SNRK: variants seen among roughly 807,000 people sequenced by gnomAD.
SNRK encodes the protein SNF related kinase, also known as SNF-related serine/threonine-protein kinase.
SNRK carries 3 observed loss-of-function variants against 48.2 expected under a neutral mutation model. The ratio of observed to expected loss-of-function variants is 0.06; its 90% CI spans 0.03 to 0.16. SNRK has a LOEUF of 0.16. Ranked by LOEUF, SNRK falls within the 10% of genes least tolerant of loss-of-function variation. SNRK has a pLI of 1.00. For synonymous variants in SNRK, 376 were observed against 366.1 expected, an observed-to-expected ratio of 1.03 and a Z score of -0.31; for missense variants, 627 against 976.0, an observed-to-expected ratio of 0.64 and a Z score of 4.76.
chr3:43,314,869 CA>C (rs1333022114), intron 3 of SNRK: 1 of 151,726 alleles, frequency 6.6e-6, no homozygotes, highest in Non-Finnish European at 1.5e-5. Flanking sequence ...ACATAGACTC[CA>C]TCTCTTAAAA....
chr3:43,322,949 C>G (rs893324261), intron 3 of SNRK, among the ~76,000 whole-genome samples: 3 of 594 alleles, frequency 5.1e-3, no homozygotes, highest in African/African-American at 5.9e-3. Flanking sequence ...AAGACTCCGT[C>G]TCAAAAAAAA....
chr3:43,318,729 T>C (rs934425606), intron 3 of SNRK, among the ~76,000 whole-genome samples: 5 of 152,200 alleles, frequency 3.3e-5, no homozygotes, highest in Admixed American at 1.3e-4. Flanking sequence ...CGTTTTAGAA[T>C]GTACTAAAGA....
At chr3:43,338,106 A>G (rs910144326) in intron 4 of SNRK, among the ~76,000 whole-genome samples, 3 of 152,168 alleles carry the variant, frequency 2.0e-5, no homozygotes, top group Non-Finnish European at 2.9e-5. Context: ...CTACCATCCA[A>G]TATTTTAATA....
At position 43,347,916 on chromosome 3, in the gene SNRK, C is replaced by T. The variant is rs778911222; in HGVS notation, c.1657C>T (p.Arg553Trp). The T allele has an allele frequency of 5.0e-6, 8 of 1,613,990 alleles. No homozygotes were observed. The Admixed American group carries it at 6.7e-5, about 13-fold the overall frequency. Reference sequence around the variant, plus strand: ...TGATGATGATTCTGAAAGCCGGCGGCGGCTCGATAAAGATAGCGGGTTCAC... The same window carrying T: ...TGATGATGATTCTGAAAGCCGGCGGTGGCTCGATAAAGATAGCGGGTTCAC... ...TSDDDSESRR[R>W]LDKDSGFTYS... is the part of the protein sequence containing the mutation. The change falls in exon 7 of 7, where the codon CGG becomes TGG. Residue 553 changes from arginine to tryptophan, a missense_variant. Coordinates refer to ENST00000296088, the MANE Select transcript of SNRK (RefSeq NM_017719.5). This position sits in a 1 kb window ranked among gnomAD's most constrained non-coding sequence, Gnocchi z 5.4.
chr3:43,341,107 G>A (rs552040164), intron 5 of SNRK, among the ~76,000 whole-genome samples: 2 of 152,064 alleles, frequency 1.3e-5, no homozygotes, highest in South Asian at 4.2e-4. Context: ...AGTTATACAA[G>A]TTGTTAATTA....
At chr3:43,324,574 A>G (rs1167809241) in intron 3 of SNRK, among the ~76,000 whole-genome samples, 1 of 152,110 alleles carries the variant, frequency 6.6e-6, no homozygotes, top group East Asian at 1.9e-4. Flanking sequence ...ATAATCTGAA[A>G]GAAGTAAGTG....
intron 3 of SNRK, among the ~76,000 whole-genome samples, chr3:43,310,665 A>G (rs2090972643): frequency 6.6e-6 from 1 of 152,142 alleles, no homozygotes; most frequent in South Asian, 2.1e-4. Flanking sequence ...ATAGAAATAT[A>G]TATTCAAAAT....
chr3:43,340,665 G>GT (rs959295255), intron 5 of SNRK, 166 bp downstream of exon 5: 98 of 636,988 alleles, frequency 1.5e-4, no homozygotes, highest in Middle Eastern at 1.3e-3. Flanking sequence ...CCTGACACAG[G>GT]TTTTTTTTGG....
At chr3:43,292,294 A>G (rs1445994571) in intron 1 of SNRK, among the ~76,000 whole-genome samples, 1 of 152,234 alleles carries the variant, frequency 6.6e-6, no homozygotes, top group African/African-American at 2.4e-5. Context: ...ATGAACTTTT[A>G]AAATTTGTTT....
At chr3:43,321,974 CATTATG>C (rs752797120) in intron 3 of SNRK, among the ~76,000 whole-genome samples, 102 of 152,348 alleles carry the variant, frequency 6.7e-4, no homozygotes, top group Non-Finnish European at 1.4e-3. Flanking sequence ...TTTTAGGTTT[CATTATG>C]ATTATATCTC....
chr3:43,340,189 T>C, intron 4 of SNRK, 98 bp from the exon 5 acceptor site: 2 of 953,150 alleles, frequency 2.1e-6, no homozygotes, highest in Non-Finnish European at 3.3e-6. Context: ...CCTAATTTAA[T>C]TGATGGTATA....
At chr3:43,332,337 C>T (rs2091152444) in intron 4 of SNRK, 27 bp downstream of exon 4, 2 of 1,351,496 alleles carry the variant, frequency 1.5e-6, no homozygotes, top group Admixed American at 2.9e-5. Context: ...ATGTGGAAAC[C>T]TTAAGGACTC....
chr3:43,322,806 G>T (rs999671031), intron 3 of SNRK, among the ~76,000 whole-genome samples: 7 of 151,928 alleles, frequency 4.6e-5, no homozygotes, highest in Non-Finnish European at 1.0e-4. Context: ...CAAAAAATTA[G>T]CTGGGAGTGG....
At chr3:43,322,931 G>A (rs923749737) in intron 3 of SNRK, among the ~76,000 whole-genome samples, 2 of 82,452 alleles carry the variant, frequency 2.4e-5, no homozygotes, top group East Asian at 4.1e-4. Flanking sequence ...CAGCCTGCGC[G>A]ACAGAGTAAG....
At chr3:43,339,633 T>G (rs368506982) in intron 4 of SNRK, among the ~76,000 whole-genome samples, 1 of 151,148 alleles carries the variant, frequency 6.6e-6, no homozygotes, top group East Asian at 2.0e-4. Context: ...CTGGCCAACA[T>G]AGTGAAACCC....
chr3:43,296,415 C>CATATATATATATATATGTATATATATAT, intron 1 of SNRK, among the ~76,000 whole-genome samples: 1 of 127,216 alleles, frequency 7.9e-6, no homozygotes, highest in East Asian at 2.3e-4. Context: ...GATATACTGG[C>CATATATATATATATATGTATATATATAT]ATATATATAT....
chr3:43,301,158 A>G (rs1341375151), intron 2 of SNRK, among the ~76,000 whole-genome samples: 2 of 152,272 alleles, frequency 1.3e-5, no homozygotes, highest in African/African-American at 4.8e-5. Flanking sequence ...TGCAAAAAAT[A>G]TATTAGTAAA....
intron 1 of SNRK, among the ~76,000 whole-genome samples, chr3:43,287,076 G>C (rs1373444995): frequency 2.0e-5 from 3 of 150,604 alleles, no homozygotes; most frequent in African/African-American, 2.4e-5. Flanking sequence ...CGCGCCCTGG[G>C]CGCTTGGTAG....
At position 43,347,672 on chromosome 3, in the gene SNRK, A is replaced by G. The variant is rs1359997011; in HGVS notation, c.1413A>G (p.Pro471=). 1.2e-6 allele frequency: 2 copies of G among 1,613,872 alleles called. No homozygotes were observed. The highest frequency in any genetic ancestry group is 1.7e-5 in the Admixed American group (1 of 60,022). Residue 471 remains proline, a synonymous_variant, in exon 7 of 7, where the codon CCA becomes CCG. Transcript: ENST00000296088. This position sits in a 1 kb window ranked among gnomAD's most constrained non-coding sequence, Gnocchi z 5.4. The stretch of plus-strand genomic sequence containing the variant: ...CACAAGTGGTTTTGCGCCGGAAGCC[A>G]TCTGTAACCAACCGCCTGACATCCA... ...LSTQVVLRRK[P]SVTNRLTSRK...
Sources: allele counts gnomAD v4.1 joint callset (sites outside exome capture counted in the v4.1 genomes callset), GRCh38; gene constraint gnomAD v4.1.1; non-coding constraint Gnocchi (gnomAD v3.1); transcripts MANE v1.5; gene names NCBI Gene and HGNC (gene_info 2026-07-23, HGNC 2026-07-21).